The following PCLO variants were observed in gnomAD, a reference collection of about 807,000 sequenced individuals.
The protein encoded by PCLO is piccolo presynaptic cytomatrix protein, also known as protein piccolo.
PCLO carries 82 observed loss-of-function variants against 427.5 expected under a neutral mutation model. That is an observed-to-expected ratio of 0.19 (90% CI 0.16 to 0.23). The LOEUF is 0.23. PCLO is among the 10% of genes least tolerant of loss of function. The pLI, the probability that PCLO is intolerant of heterozygous loss-of-function variation, is 1.00. For missense variants in PCLO, 6,239 were observed against 6,115.9 expected (o/e 1.02, Z -0.67); for synonymous variants, 2,357 against 2,155.4 (o/e 1.09, Z -2.59).
intron 10 of PCLO, among the ~76,000 whole-genome samples, chr7:82,853,376 C>A (rs1359386443): frequency 6.6e-6 from 1 of 152,014 alleles, no homozygotes; most frequent in Non-Finnish European, 1.5e-5. Context: ...CCCTGATGTA[C>A]ATGAGTTGTG....
At chr7:82,893,988 TA>T (rs1302082170) in intron 9 of PCLO, among the ~76,000 whole-genome samples, 11 of 152,016 alleles carry the variant, frequency 7.2e-5, no homozygotes, top group Non-Finnish European at 1.6e-4. Context: ...ATCTGTGTTT[TA>T]TTTTATATGT....
At chr7:82,930,222 T>G (rs945919580) in intron 6 of PCLO, among the ~76,000 whole-genome samples, 2 of 151,876 alleles carry the variant, frequency 1.3e-5, no homozygotes, top group African/African-American at 4.8e-5. Flanking sequence ...CATGGACAAA[T>G]AAATGAAAAC....
chr7:82,776,057 T>C (rs903951517), intron 22 of PCLO, among the ~76,000 whole-genome samples: 6 of 152,182 alleles, frequency 3.9e-5, no homozygotes, highest in Admixed American at 6.5e-5. Flanking sequence ...CTTATTAGTT[T>C]TAACACTGAT....
chr7:82,884,456 T>C (rs1793582987), intron 9 of PCLO, among the ~76,000 whole-genome samples: 1 of 152,220 alleles, frequency 6.6e-6, no homozygotes. Flanking sequence ...AGACTTGGAA[T>C]AATTCCTACC....
At chr7:83,100,089 C>T (rs1216429006) in intron 3 of PCLO, among the ~76,000 whole-genome samples, 2 of 152,132 alleles carry the variant, frequency 1.3e-5, no homozygotes, top group African/African-American at 4.8e-5. Flanking sequence ...CTAAACCTAT[C>T]TATCCAAAAA....
chr7:83,078,834 C>A (rs375175664), intron 3 of PCLO, among the ~76,000 whole-genome samples: 1 of 152,086 alleles, frequency 6.6e-6, no homozygotes, highest in East Asian at 1.9e-4. Context: ...ACCCACCTGG[C>A]CACTAGCATT....
At chr7:82,905,276 G>A (rs999850360) in intron 8 of PCLO, among the ~76,000 whole-genome samples, 1 of 151,960 alleles carries the variant, frequency 6.6e-6, no homozygotes, top group Non-Finnish European at 1.5e-5. Context: ...CATGAATCAA[G>A]CCTGTATATA....
chr7:83,146,107 C>T (rs968683640), intron 2 of PCLO, among the ~76,000 whole-genome samples: 9 of 152,204 alleles, frequency 5.9e-5, no homozygotes, highest in Non-Finnish European at 1.2e-4. Flanking sequence ...GCATGGTGTT[C>T]AAACTACAAT....
chr7:82,796,426 A>G (rs566006097), intron 22 of PCLO, among the ~76,000 whole-genome samples: 35 of 152,008 alleles, frequency 2.3e-4, no homozygotes, highest in Non-Finnish European at 4.4e-4. Flanking sequence ...TATACCCCCA[A>G]TCTTTTCTTC....
chr7:83,140,056 A>G (rs767584151), intron 2 of PCLO, among the ~76,000 whole-genome samples: 8 of 152,220 alleles, frequency 5.3e-5, no homozygotes, highest in Non-Finnish European at 1.2e-4. Flanking sequence ...CCCCAGCATT[A>G]ACGTCACAAA....
At chr7:83,083,312 G>A (rs1790150035) in intron 3 of PCLO, among the ~76,000 whole-genome samples, 1 of 151,904 alleles carries the variant, frequency 6.6e-6, no homozygotes, top group Non-Finnish European at 1.5e-5. Flanking sequence ...ATAATTGCAT[G>A]TTTGGAAAGC....
chr7:83,150,422 C>CAT (rs1792100239), intron 2 of PCLO, among the ~76,000 whole-genome samples: 1 of 152,226 alleles, frequency 6.6e-6, no homozygotes, highest in Non-Finnish European at 1.5e-5. Flanking sequence ...GAACAGCATA[C>CAT]ATCTTGATAG....
rs540556684 is a variant in PCLO at position 82,980,609 on chromosome 7, T to C, written c.3301-14122A>G. ...AAATAGAATTCCCATTTTTAACACATAGCTGGTTTCCATTTAGCATGGAAC... is the reference window on the plus strand; with the variant it reads ...AAATAGAATTCCCATTTTTAACACACAGCTGGTTTCCATTTAGCATGGAAC... On this transcript the variant is annotated intron_variant, in intron 3 of 24. Transcript: ENST00000333891. Among the ~76,000 whole-genome samples, 6 of 152,280 alleles carry C rather than the reference T, an allele frequency of 3.9e-5. No homozygotes were observed. In the South Asian group the frequency reaches 8.3e-4, roughly 21 times the overall value.
chr7:83,141,174 A>T (rs966888256), intron 2 of PCLO, among the ~76,000 whole-genome samples: 1 of 152,160 alleles, frequency 6.6e-6, no homozygotes, highest in Non-Finnish European at 1.5e-5. Context: ...CCATTTGACA[A>T]ATGGTGGGAG....
chr7:82,996,939 T>C (rs1414482866), intron 3 of PCLO, among the ~76,000 whole-genome samples: 1 of 152,012 alleles, frequency 6.6e-6, no homozygotes, highest in Non-Finnish European at 1.5e-5. Context: ...GTGAAAAATT[T>C]ATAAGCAAGT....
At chr7:83,030,303 A>G (rs920812622) in intron 3 of PCLO, among the ~76,000 whole-genome samples, 1 of 152,064 alleles carries the variant, frequency 6.6e-6, no homozygotes, top group African/African-American at 2.4e-5. Context: ...ATTTAAAAAA[A>G]CTCTACAGGG....
intron 20 of PCLO, among the ~76,000 whole-genome samples, chr7:82,815,158 T>C (rs1791651502): frequency 6.6e-6 from 1 of 152,062 alleles, no homozygotes; most frequent in East Asian, 1.9e-4. Context: ...ATTAAAAATA[T>C]ATTTTATCAT....
intron 4 of PCLO, among the ~76,000 whole-genome samples, chr7:82,962,635 A>G (rs907704603): frequency 1.3e-5 from 2 of 152,030 alleles, no homozygotes; most frequent in Admixed American, 1.3e-4. Context: ...GTACCAATGA[A>G]GACATAGCCT....
intron 3 of PCLO, among the ~76,000 whole-genome samples, chr7:83,038,009 A>ATT (rs1210199937): frequency 4.6e-5 from 2 of 43,366 alleles, no homozygotes; most frequent in African/African-American, 1.5e-4. Flanking sequence ...ATATATATAT[A>ATT]TATATATATA....
Sources: gnomAD v4.1 joint callset for allele counts (sites outside exome capture counted in the v4.1 genomes callset) on GRCh38, gnomAD v4.1.1 for gene constraint, MANE v1.5 for transcripts, NCBI Gene and HGNC (gene_info 2026-07-23, HGNC 2026-07-21) for gene names.